NEDD1: variants seen among roughly 807,000 people sequenced by gnomAD.
The protein encoded by NEDD1 is protein NEDD1.
In NEDD1, 33 loss-of-function variants were observed where a neutral mutation model predicts 74.0. The observed-to-expected ratio is 0.45, with a 90% CI of 0.34 to 0.60. The LOEUF is 0.60. Ranked by LOEUF, NEDD1 falls within the 20% of genes least tolerant of loss-of-function variation. The pLI, the probability that NEDD1 is intolerant of heterozygous loss-of-function variation, is 0.01. For missense variants in NEDD1, 746 were observed against 776.5 expected (o/e 0.96, Z 0.47); for synonymous variants, 250 against 264.4 (o/e 0.95, Z 0.53).
chr12:96,949,417 AT>A (rs1234269251), intron 14 of NEDD1, among the ~76,000 whole-genome samples: 2 of 151,820 alleles, frequency 1.3e-5, no homozygotes, highest in Admixed American at 6.6e-5. Flanking sequence ...AACATTAAAA[AT>A]TTTTTTTGTT....
intron 6 of NEDD1, among the ~76,000 whole-genome samples, chr12:96,921,353 TG>T (rs1378148712): frequency 6.6e-6 from 1 of 152,102 alleles, no homozygotes; most frequent in African/African-American, 2.4e-5. Context: ...AGCTAATTTT[TG>T]TATTTTAGTA....
At chr12:96,915,273 C>G (rs75794137) in intron 4 of NEDD1, among the ~76,000 whole-genome samples, 1,522 of 152,186 alleles carry the variant, frequency 0.01, 68 homozygotes, top group East Asian at 0.094. Flanking sequence ...TTTTTGACCC[C>G]CTTAAAAGCC....
intron 4 of NEDD1, among the ~76,000 whole-genome samples, chr12:96,913,676 C>G (rs1055311393): frequency 1.3e-5 from 2 of 152,060 alleles, no homozygotes; most frequent in African/African-American, 2.4e-5. Context: ...CCAGCCTATC[C>G]TTTTGTTTTA....
At chr12:96,910,489 G>A (rs1873805749) in intron 3 of NEDD1, among the ~76,000 whole-genome samples, 2 of 152,072 alleles carry the variant, frequency 1.3e-5, no homozygotes, top group African/African-American at 4.8e-5. Context: ...GTTTCTGATT[G>A]ACACCTTCCC....
chr12:96,932,200 C>A (rs559883681), intron 6 of NEDD1, among the ~76,000 whole-genome samples: 3 of 150,996 alleles, frequency 2.0e-5, no homozygotes, highest in Non-Finnish European at 4.4e-5. Flanking sequence ...TTTTTTCCCC[C>A]CCATAAGCTT....
intron 9 of NEDD1, among the ~76,000 whole-genome samples, chr12:96,939,957 T>C (rs1347305089): frequency 6.6e-6 from 1 of 151,996 alleles, no homozygotes; most frequent in African/African-American, 2.4e-5. Flanking sequence ...GTAACATTAA[T>C]TGAATCCTGC....
At chr12:96,909,176 C>CAAA (rs71307519) in intron 2 of NEDD1, among the ~76,000 whole-genome samples, 1 of 107,516 alleles carries the variant, frequency 9.3e-6, no homozygotes, top group African/African-American at 3.5e-5. Flanking sequence ...AACTCCGTCT[C>CAAA]AAAAAAAAAA....
At chr12:96,909,694 T>G (rs1873697863) in intron 2 of NEDD1, 58 bp from the exon 3 acceptor site, 2 of 1,422,840 alleles carry the variant, frequency 1.4e-6, no homozygotes, top group African/African-American at 1.4e-5. Flanking sequence ...TTTGACCTTT[T>G]TTTGAGTATG....
chr12:96,921,435 C>T (rs1875079052), intron 6 of NEDD1, among the ~76,000 whole-genome samples: 1 of 152,164 alleles, frequency 6.6e-6, no homozygotes, highest in Non-Finnish European at 1.5e-5. Context: ...CCTCCCTCGG[C>T]CTCCCAAAGT....
chr12:96,934,325 A>AT (rs1876859602), intron 6 of NEDD1, among the ~76,000 whole-genome samples: 1 of 151,258 alleles, frequency 6.6e-6, no homozygotes, highest in Non-Finnish European at 1.5e-5. Flanking sequence ...AATGTATTAT[A>AT]TTTTTCCTCT....
In NEDD1 at chr12:96,912,848, A is replaced by T. The variant is rs185712551; in HGVS notation, c.231+31A>T. 3.3e-3 allele frequency: 3,864 copies of T among 1,185,424 alleles called. 62 individuals are homozygous for T. The African/African-American group carries it at 0.044, about 14-fold the overall frequency. The allele number at this position is 1,185,424 out of a possible 1,614,324, so 73.4% of individuals were successfully genotyped here. ...TGATTTTTTTTTTTTTTAAACTTTTAAAAATCTTAGTTTTGCTTGACTGGC... is the reference window on the plus strand; with the variant it reads ...TGATTTTTTTTTTTTTTAAACTTTTTAAAATCTTAGTTTTGCTTGACTGGC... On this transcript the variant is annotated intron_variant, in intron 4 of 15. Coordinates refer to ENST00000266742, the MANE Select transcript of NEDD1 (RefSeq NM_152905.4).
intron 6 of NEDD1, among the ~76,000 whole-genome samples, chr12:96,925,520 A>G (rs1875599005): frequency 6.6e-6 from 1 of 152,200 alleles, no homozygotes; most frequent in Non-Finnish European, 1.5e-5. Context: ...CAGAAGTGGT[A>G]GCATTTTCTT....
intron 6 of NEDD1, among the ~76,000 whole-genome samples, chr12:96,932,459 AAAAAATATATATATAT>A (rs1328076606): frequency 1.7e-4 from 2 of 12,080 alleles, no homozygotes; most frequent in Admixed American, 3.2e-3. Context: ...AAAAAAAAAA[AAAAAATATATATATAT>A]ATATATATAT....
intron 14 of NEDD1, among the ~76,000 whole-genome samples, chr12:96,948,481 T>G (rs542152009): frequency 4.6e-5 from 7 of 152,150 alleles, no homozygotes; most frequent in Non-Finnish European, 1.0e-4. Flanking sequence ...AACTCCTCAT[T>G]TTCTGGATTT....
intron 10 of NEDD1, 80 bp downstream of exon 10, chr12:96,940,617 C>A: frequency 1.1e-6 from 1 of 946,306 alleles, no homozygotes; most frequent in Non-Finnish European, 1.6e-6. Flanking sequence ...ATAATAGCTT[C>A]AGTCCAACTC....
chr12:96,934,869 C>A (rs1030238887), intron 6 of NEDD1, 107 bp from the exon 7 acceptor site: 11 of 738,738 alleles, frequency 1.5e-5, no homozygotes, highest in Admixed American at 1.3e-4. Flanking sequence ...TCAGAGAAAT[C>A]CTAAACCCCA....
At chr12:96,942,903 G>A (rs1877805077) in intron 11 of NEDD1, among the ~76,000 whole-genome samples, 1 of 126,910 alleles carries the variant, frequency 7.9e-6, no homozygotes, top group South Asian at 2.5e-4. Flanking sequence ...GTTGGCTGGA[G>A]ATATCAGTTC....
intron 12 of NEDD1, 109 bp downstream of exon 12, chr12:96,943,871 T>C: frequency 3.1e-6 from 2 of 645,456 alleles, no homozygotes; most frequent in South Asian, 4.0e-5. Context: ...CACTTATTCA[T>C]AAGTCTTGAT....
Position 96,943,608 on chromosome 12 carries a change from A to G in NEDD1, c.1343A>G (p.Asn448Ser), listed in dbSNP as rs748331465. The G allele has an allele frequency of 1.2e-6, 2 of 1,613,400 alleles. No homozygotes were observed. Among genetic ancestry groups the G allele is most frequent in the South Asian group, 2.2e-5 (2 of 91,054 alleles). Residue 448 changes from asparagine to serine, a missense_variant, in exon 12 of 16, where the codon AAT (asparagine) becomes AGT (serine). Physicochemically the swap from Asn to Ser is conservative, Grantham distance 46. Transcript: ENST00000266742. ...AACTCAGTGTTTCCTCCAAGAAAAAATCCAGTAACTTCAAGTACTTCAGTA... is the reference window on the plus strand; with the variant it reads ...AACTCAGTGTTTCCTCCAAGAAAAAGTCCAGTAACTTCAAGTACTTCAGTA... ...QLNSVFPPRK[N>S]PVTSSTSVLH... is the part of the protein sequence containing the mutation.
Sources: allele counts gnomAD v4.1 joint callset (sites outside exome capture counted in the v4.1 genomes callset), GRCh38; gene constraint gnomAD v4.1.1; transcripts MANE v1.5; gene names NCBI Gene and HGNC (gene_info 2026-07-23, HGNC 2026-07-21).